GRM1: variants seen among roughly 807,000 people sequenced by gnomAD.
The protein encoded by GRM1 is glutamate metabotropic receptor 1.
Under a neutral mutation model 90.9 loss-of-function variants are expected in GRM1, and 33 were observed. That is an observed-to-expected ratio of 0.36 (90% confidence interval 0.28 to 0.49). GRM1 has a LOEUF of 0.49. Among genes scored for constraint, GRM1 ranks in the 20% least tolerant of loss-of-function variants. GRM1 has a pLI of 0.99. For synonymous variants in GRM1, 700 were observed against 613.2 expected, an observed-to-expected ratio of 1.14 and a Z score of -2.09; for missense variants, 1,190 against 1,534.3, an observed-to-expected ratio of 0.78 and a Z score of 3.75.
chr6:146,275,672 T>C (rs1782330676), intron 2 of GRM1, among the ~76,000 whole-genome samples: 1 of 152,158 alleles, frequency 6.6e-6, no homozygotes, highest in Non-Finnish European at 1.5e-5. Context: ...TTGTTTAAAG[T>C]TTCACTCTTT....
At chr6:146,090,777 C>A (rs1776690612) in intron 1 of GRM1, among the ~76,000 whole-genome samples, 1 of 152,184 alleles carries the variant, frequency 6.6e-6, no homozygotes, top group African/African-American at 2.4e-5. Context: ...GTTACCGAGG[C>A]ATTGAGAGCT....
intron 1 of GRM1, among the ~76,000 whole-genome samples, chr6:146,049,706 C>T (rs886789257): frequency 6.7e-6 from 1 of 148,854 alleles, no homozygotes; most frequent in African/African-American, 2.5e-5. Flanking sequence ...TATCTATCAT[C>T]TCATGTTGGT....
At chr6:146,430,465 G>T (rs1247202484) in intron 7 of GRM1, among the ~76,000 whole-genome samples, 1 of 152,174 alleles carries the variant, frequency 6.6e-6, no homozygotes, top group Non-Finnish European at 1.5e-5. Flanking sequence ...GGAGCAAAAG[G>T]TTCAGGTGCT....
At position 146,203,809 on chromosome 6, in the gene GRM1, G is replaced by A. The variant is rs1345250480; in HGVS notation, c.950+44212G>A. Among the ~76,000 whole-genome samples, 8 of 152,280 alleles carry A rather than the reference G, an allele frequency of 5.3e-5. No homozygotes were observed. In the South Asian group the frequency reaches 1.4e-3, roughly 28 times the overall value. On this transcript the variant is annotated intron_variant, in intron 2 of 7. Transcript: ENST00000282753. ...GAATTCCACGGCAAAGAGAAAACCAGAAAATATTATGAAAAACTTTATCTC... is the reference window on the plus strand; with the variant it reads ...GAATTCCACGGCAAAGAGAAAACCAAAAAATATTATGAAAAACTTTATCTC...
intron 3 of GRM1, 119 bp downstream of exon 3, chr6:146,304,965 T>C: frequency 1.3e-6 from 1 of 758,562 alleles, no homozygotes; most frequent in African/African-American, 1.7e-5. Flanking sequence ...AAAATTGCCA[T>C]CTGTGTTTAT....
rs984070960 is a variant in GRM1, at chr6:146,029,418, G to C, written c.-100G>C. 19 of 929,182 alleles carry C rather than the reference G, an allele frequency of 2.0e-5. No individual in the cohort carries two copies. The highest frequency in any genetic ancestry group is 2.8e-4 in the Middle Eastern group (1 of 3,538). 57.6% of individuals were successfully genotyped at this position (929,182 alleles called of 1,614,324 possible). A position where few individuals can be genotyped will look rare whatever the true frequency, so the allele number is the denominator to read the frequency against. ...TTGTTGGCGAGGGGCACCACTCCGG[G>C]AGAGGCGGCGCTGGGCGTCTTGGGG... On this transcript the variant is annotated 5_prime_UTR_variant, in exon 1 of 8. Coordinates refer to ENST00000282753, the MANE Select transcript of GRM1 (RefSeq NM_001278064.2).
chr6:146,203,066 C>A (rs7775808), intron 2 of GRM1, among the ~76,000 whole-genome samples: 4,339 of 151,902 alleles, frequency 0.029, 223 homozygotes, highest in African/African-American at 0.095. Context: ...TGGTGCCGGG[C>A]GCCTGTAGTC....
intron 5 of GRM1, among the ~76,000 whole-genome samples, chr6:146,368,268 G>C (rs569980965): frequency 2.3e-5 from 3 of 132,442 alleles, no homozygotes; most frequent in African/African-American, 5.7e-5. Flanking sequence ...TTTGGGGGGG[G>C]GGGTAGAATC....
chr6:146,075,962 G>T (rs1240794922), intron 1 of GRM1, among the ~76,000 whole-genome samples: 2 of 152,134 alleles, frequency 1.3e-5, no homozygotes, highest in Non-Finnish European at 2.9e-5. Context: ...TCTAAATAAG[G>T]TCACATTCAT....
At chr6:146,053,310 C>A (rs982051227) in intron 1 of GRM1, among the ~76,000 whole-genome samples, 1 of 151,912 alleles carries the variant, frequency 6.6e-6, no homozygotes, top group African/African-American at 2.4e-5. Context: ...GTCTCCAGAA[C>A]TTTGATTTTG....
intron 7 of GRM1, among the ~76,000 whole-genome samples, chr6:146,421,203 A>G (rs1355499494): frequency 6.6e-6 from 1 of 152,182 alleles, no homozygotes; most frequent in Non-Finnish European, 1.5e-5. Flanking sequence ...AAAATCTCCC[A>G]TTAACAATGT....
intron 2 of GRM1, among the ~76,000 whole-genome samples, chr6:146,193,860 G>T (rs185553188): frequency 2.6e-5 from 4 of 151,948 alleles, no homozygotes; most frequent in Admixed American, 6.6e-5. Context: ...TTTTAGTCTT[G>T]TGCTAGTATT....
intron 7 of GRM1, among the ~76,000 whole-genome samples, chr6:146,403,020 T>C (rs867183115): frequency 5.9e-5 from 9 of 152,174 alleles, no homozygotes; most frequent in South Asian, 2.1e-4. Flanking sequence ...CTTTAGCTTT[T>C]TAAAAAAATG....
intron 1 of GRM1, among the ~76,000 whole-genome samples, chr6:146,032,583 G>T (rs1032529522): frequency 2.6e-5 from 4 of 152,028 alleles, no homozygotes; most frequent in Admixed American, 6.6e-5. Context: ...GTCGCTTATT[G>T]GTGACAGTTC....
rs1283150087 is a variant in GRM1 at position 146,029,471 on chromosome 6, C to G, written c.-47C>G. 2 of 1,467,518 alleles carry G rather than the reference C, an allele frequency of 1.4e-6. No homozygotes were observed. Among genetic ancestry groups the G allele is most frequent in the African/African-American group, 1.4e-5 (1 of 72,106 alleles). The allele number at this position is 1,467,518 out of a possible 1,614,324, so 90.9% of individuals were successfully genotyped here. A position where few individuals can be genotyped will look rare whatever the true frequency, so the allele number is the denominator to read the frequency against. On this transcript the variant is annotated 5_prime_UTR_variant, in exon 1 of 8. Coordinates refer to ENST00000282753, the MANE Select transcript of GRM1 (RefSeq NM_001278064.2). ...GCGCGCCGGGAGCCTGCAGCGGGAC[C>G]AGCGTGGGAACGCGGCTGGCAGGCT...
At chr6:146,349,921 C>A (rs1013793110) in intron 3 of GRM1, among the ~76,000 whole-genome samples, 4 of 152,138 alleles carry the variant, frequency 2.6e-5, no homozygotes, top group African/African-American at 9.7e-5. Flanking sequence ...TTAATAACCT[C>A]AGAAGATAAG....
chr6:146,182,683 T>C (rs972882823), intron 2 of GRM1, among the ~76,000 whole-genome samples: 5 of 152,110 alleles, frequency 3.3e-5, no homozygotes, highest in Admixed American at 3.3e-4. Flanking sequence ...TCACTGCAGA[T>C]TTGAATACAA....
intron 2 of GRM1, among the ~76,000 whole-genome samples, chr6:146,268,323 T>C (rs928459548): frequency 3.9e-5 from 6 of 152,244 alleles, no homozygotes; most frequent in African/African-American, 9.6e-5. Context: ...TGTCCACTTA[T>C]GTTTATGCTT....
At chr6:146,082,728 C>T (rs1177683180) in intron 1 of GRM1, among the ~76,000 whole-genome samples, 3 of 152,050 alleles carry the variant, frequency 2.0e-5, no homozygotes, top group African/African-American at 7.2e-5. Flanking sequence ...ATTTCATCCT[C>T]CTCTGATCCA....
Sources: allele counts gnomAD v4.1 joint callset (sites outside exome capture counted in the v4.1 genomes callset), GRCh38; gene constraint gnomAD v4.1.1; transcripts MANE v1.5; gene names NCBI Gene and HGNC (gene_info 2026-07-23, HGNC 2026-07-21).